EIF4E3: variants seen among roughly 807,000 people sequenced by gnomAD.
The protein encoded by EIF4E3 is eukaryotic translation initiation factor 4E family member 3, also known as eukaryotic translation initiation factor 4E type 3.
Under a neutral mutation model 31.7 loss-of-function variants are expected in EIF4E3, and 26 were observed. The observed-to-expected ratio is 0.82, with a 90% confidence interval of 0.60 to 1.14. EIF4E3 has a LOEUF of 1.14. EIF4E3 is among the 50% of genes most tolerant of loss of function. The pLI, the probability that EIF4E3 is intolerant of heterozygous loss-of-function variation, is 0.00. For missense variants in EIF4E3, 304 were observed against 270.9 expected (o/e 1.12, Z -0.86); for synonymous variants, 128 against 107.7 (o/e 1.19, Z -1.17).
Position 71,692,213 on chromosome 3 carries a change from A to G in EIF4E3, c.472+1662T>C, listed in dbSNP as rs1396168100. Among the ~76,000 whole-genome samples the G allele has an allele frequency of 2.0e-5, 3 of 152,246 alleles. No homozygotes were observed. In the East Asian group the frequency reaches 5.8e-4, roughly 29 times the overall value. The stretch of plus-strand genomic sequence containing the variant: ...TTGATTATTTTAGGGTACTGGCAGC[A>G]TAAGACATTAGAGCTGGGAGGAGCC... On this transcript the variant is annotated intron_variant, in intron 5 of 6. Coordinates refer to ENST00000425534, the MANE Select transcript of EIF4E3 (RefSeq NM_001134651.2).
At chr3:71,702,524 G>T (rs1430297364) in intron 2 of EIF4E3, among the ~76,000 whole-genome samples, 1 of 152,136 alleles carries the variant, frequency 6.6e-6, no homozygotes, top group Non-Finnish European at 1.5e-5. Context: ...ATCATGCTAA[G>T]GATTGGAGCT....
At position 71,725,399 on chromosome 3, in the gene EIF4E3, G is replaced by C. The variant is rs571663388; in HGVS notation, c.-32C>G. ...CGCCCCGCCTGCAAGGCCGGCGGAC[G>C]CGCGGACCGCGGGGCGAGCGCGGCT... is the stretch of plus-strand genomic sequence containing the variant. On this transcript the variant is annotated 5_prime_UTR_variant, in exon 1 of 7. Coordinates refer to ENST00000425534, the MANE Select transcript of EIF4E3 (RefSeq NM_001134651.2). This position sits in a 1 kb window ranked among gnomAD's most constrained non-coding sequence, Gnocchi z 6.1. 7 of 977,288 alleles carry C rather than the reference G, an allele frequency of 7.2e-6. No individual in the cohort carries two copies. The African/African-American group carries it at 1.2e-4, about 17-fold the overall frequency. 60.5% of individuals were successfully genotyped at this position (977,288 alleles called of 1,614,324 possible). A position where few individuals can be genotyped will look rare whatever the true frequency, so the allele number is the denominator to read the frequency against.
chr3:71,706,487 G>A (rs2049294663), intron 2 of EIF4E3, among the ~76,000 whole-genome samples: 2 of 152,078 alleles, frequency 1.3e-5, no homozygotes, highest in African/African-American at 4.8e-5. Flanking sequence ...CATAATTGGA[G>A]AAGCAGTTTT....
At chr3:71,717,725 T>C (rs141738248) in intron 1 of EIF4E3, among the ~76,000 whole-genome samples, 1 of 152,330 alleles carries the variant, frequency 6.6e-6, no homozygotes, top group East Asian at 1.9e-4. Flanking sequence ...CTAATTCAAA[T>C]CCTGTTTCTG....
At chr3:71,687,695 T>C (rs2049012136) in intron 6 of EIF4E3, among the ~76,000 whole-genome samples, 1 of 152,194 alleles carries the variant, frequency 6.6e-6, no homozygotes, top group Admixed American at 6.5e-5. Flanking sequence ...AGTCAAATAA[T>C]GTGTATCCAT....
intron 6 of EIF4E3, among the ~76,000 whole-genome samples, chr3:71,688,232 C>T (rs1179093472): frequency 6.6e-6 from 1 of 152,178 alleles, no homozygotes; most frequent in Non-Finnish European, 1.5e-5. Context: ...GCCATCACAA[C>T]AGCTAAGCAG....
At chr3:71,673,947 A>T (rs1357448997), downstream of EIF4E3, among the ~76,000 whole-genome samples, 1 of 147,830 alleles carries the variant, frequency 6.8e-6, no homozygotes, top group East Asian at 1.9e-4. Context: ...CATAATATGC[A>T]CATCATACAG....
chr3:71,739,035 T>G (rs1272026803), intron 1 of EIF4E3, among the ~76,000 whole-genome samples: 3 of 132,440 alleles, frequency 2.3e-5, no homozygotes, highest in Non-Finnish European at 4.7e-5. Context: ...TCAAAGAAAA[T>G]TCAAAGATAC....
intron 1 of EIF4E3, among the ~76,000 whole-genome samples, chr3:71,724,307 C>T (rs2049594627): frequency 6.6e-6 from 1 of 152,104 alleles, no homozygotes; most frequent in South Asian, 2.1e-4. Context: ...TGTCCAAAAA[C>T]AAAAATCCAC....
Position 71,721,208 on chromosome 3 carries a change from C to T in EIF4E3, c.176+3984G>A, listed in dbSNP as rs552019822. Among the ~76,000 whole-genome samples, 3 of 152,300 alleles carry T rather than the reference C, an allele frequency of 2.0e-5. No individual in the cohort carries two copies. The South Asian group carries it at 6.2e-4, about 32-fold the overall frequency. On this transcript the variant is annotated intron_variant, in intron 1 of 6. Coordinates refer to ENST00000425534, the MANE Select transcript of EIF4E3 (RefSeq NM_001134651.2). ...GCCACCACAGGAGAAGGTGAAGTCA[C>T]TGCGGGTAGAATTCAACAACACCCT...
intron 5 of EIF4E3, among the ~76,000 whole-genome samples, chr3:71,691,993 T>C (rs912938639): frequency 1.3e-5 from 2 of 152,180 alleles, no homozygotes; most frequent in Non-Finnish European, 2.9e-5. Context: ...TTCTACCCTA[T>C]TGGTCAAAGC....
the EIF4E3 span, among the ~76,000 whole-genome samples, chr3:71,667,013 T>C: frequency 6.6e-6 from 1 of 152,124 alleles, no homozygotes; most frequent in Admixed American, 6.6e-5. Context: ...AATAAAATAC[T>C]AGCAAACCGA....
chr3:71,749,389 G>A (rs2049904565), intron 1 of EIF4E3, among the ~76,000 whole-genome samples: 1 of 152,240 alleles, frequency 6.6e-6, no homozygotes, highest in African/African-American at 2.4e-5. Context: ...CAACTTGAGT[G>A]CTGCCCTTTG....
rs967115959 is a variant in EIF4E3, at chr3:71,677,241, A to G, written c.*7441T>C. The G allele has an allele frequency of 6.6e-6, 1 of 152,244 alleles. No homozygotes were observed. The highest frequency in any genetic ancestry group is 1.5e-5 in the Non-Finnish European group (1 of 68,038). The allele number at this position is 152,244 out of a possible 1,614,324, so 9.4% of individuals were successfully genotyped here. A position where few individuals can be genotyped will look rare whatever the true frequency, so the allele number is the denominator to read the frequency against. ...AAATAGAAACATATTTTAATGACAT[A>G]TATTTTAACTTGCTGGCCCTTGCAA... is the stretch of plus-strand genomic sequence containing the variant. On this transcript the variant is annotated 3_prime_UTR_variant, in exon 7 of 7. Transcript: ENST00000425534.
At chr3:71,687,782 T>C (rs1384971003) in intron 6 of EIF4E3, among the ~76,000 whole-genome samples, 2 of 152,244 alleles carry the variant, frequency 1.3e-5, no homozygotes, top group African/African-American at 4.8e-5. Context: ...GGGTTCTTTC[T>C]ACATGGAAAA....
intron 1 of EIF4E3, among the ~76,000 whole-genome samples, chr3:71,733,781 A>C (rs2049732062): frequency 6.6e-6 from 1 of 152,248 alleles, no homozygotes; most frequent in Admixed American, 6.5e-5. Context: ...ACTTCTTAAG[A>C]GCTAAGTACA....
chr3:71,725,437 GC>G (rs1371952118), upstream of EIF4E3: 8 of 853,014 alleles, frequency 9.4e-6, no homozygotes, highest in Non-Finnish European at 1.1e-5. The surrounding 1 kb of genome is among the most constrained non-coding windows in gnomAD (Gnocchi z 6.1). Context: ...GTCACCCCCG[GC>G]CCCCGCCCCG....
chr3:71,674,960 C>T (rs1024948333), downstream of EIF4E3, among the ~76,000 whole-genome samples: 1 of 152,134 alleles, frequency 6.6e-6, no homozygotes, highest in African/African-American at 2.4e-5. Context: ...CTTTGCATTG[C>T]GTCAGTTTGC....
intron 1 of EIF4E3, among the ~76,000 whole-genome samples, chr3:71,739,221 C>A: frequency 6.7e-6 from 1 of 149,038 alleles, no homozygotes; most frequent in East Asian, 2.0e-4. Context: ...CAAAGTAAAC[C>A]CAAAGCAAGC....
Sources: gnomAD v4.1 joint callset for allele counts (sites outside exome capture counted in the v4.1 genomes callset) on GRCh38, gnomAD v4.1.1 for gene constraint, Gnocchi (gnomAD v3.1) non-coding constraint, MANE v1.5 for transcripts, NCBI Gene and HGNC (gene_info 2026-07-23, HGNC 2026-07-21) for gene names.